Variants in TGM4 observed in about 807,000 individuals in gnomAD.
TGM4 encodes the protein protein-glutamine gamma-glutamyltransferase 4.
In TGM4, 61 loss-of-function variants were observed where a neutral mutation model predicts 76.3. That is an observed-to-expected ratio of 0.80 (90% CI 0.65 to 0.99). The LOEUF is 0.99. Among genes scored for constraint, TGM4 ranks in the 50% least tolerant of loss-of-function variants. TGM4 has a pLI of 0.00. For missense variants in TGM4, 794 were observed against 843.2 expected, an observed-to-expected ratio of 0.94 and a Z score of 0.72; for synonymous variants, 337 against 329.8, an observed-to-expected ratio of 1.02 and a Z score of -0.24.
chr3:44,908,698 A>G (rs1233362847), intron 10 of TGM4, among the ~76,000 whole-genome samples: 1 of 152,146 alleles, frequency 6.6e-6, no homozygotes, highest in East Asian at 1.9e-4. Flanking sequence ...CTCTCTCGAT[A>G]TTCTCTATTT....
At position 44,896,823 on chromosome 3, in the gene TGM4, A is replaced by C. The variant is rs1296970038; in HGVS notation, c.657+7A>C. On this transcript the variant is annotated splice_region_variant and intron_variant, in intron 6 of 13. Coordinates refer to ENST00000296125, the MANE Select transcript of TGM4 (RefSeq NM_003241.4). ...CAGGGCCATGTGTGCTATGGTAGGT[A>C]TGGAAAGCCTGGGCTGATGCTGTCT... 1 of 1,612,772 alleles carries C rather than the reference A, an allele frequency of 6.2e-7. No homozygotes were observed.
chr3:44,879,666 C>T (rs146349306), intron 1 of TGM4, among the ~76,000 whole-genome samples: 2,957 of 151,848 alleles, frequency 0.019, 48 homozygotes, highest in Middle Eastern at 0.065. Flanking sequence ...TTAGTAGAGA[C>T]GGGGTTTCAC....
chr3:44,891,512 TACACAC>T (rs9311363), intron 4 of TGM4, among the ~76,000 whole-genome samples: 17 of 148,036 alleles, frequency 1.1e-4, no homozygotes, highest in African/African-American at 1.5e-4. Flanking sequence ...CTCCCTCCTC[TACACAC>T]ACACACACAC....
intron 1 of TGM4, among the ~76,000 whole-genome samples, chr3:44,879,255 C>CTA (rs1177204893): frequency 3.0e-5 from 3 of 99,914 alleles, no homozygotes; most frequent in South Asian, 3.9e-4. Flanking sequence ...CTCTCTCTCT[C>CTA]TCTCTCTCTC....
In TGM4 at chr3:44,914,419, G is replaced by A. The variant is rs1188718333; in HGVS notation, c.*694G>A. On this transcript the variant is annotated 3_prime_UTR_variant, in exon 14 of 14. Coordinates refer to ENST00000296125, the MANE Select transcript of TGM4 (RefSeq NM_003241.4). Reference sequence around the variant, plus strand: ...TTCCCTTATTCTAAAGCTGCCCCTTGGGAGACTCCAGGGAGAAGGCATTGC... The same window carrying A: ...TTCCCTTATTCTAAAGCTGCCCCTTAGGAGACTCCAGGGAGAAGGCATTGC... The A allele has an allele frequency of 6.6e-6, 1 of 152,124 alleles. No individual in the cohort carries two copies. Among genetic ancestry groups the A allele is most frequent in the Non-Finnish European group, 1.5e-5 (1 of 68,064 alleles). 9.4% of individuals were successfully genotyped at this position (152,124 alleles called of 1,614,324 possible).
intron 1 of TGM4, among the ~76,000 whole-genome samples, chr3:44,878,455 A>ATTT (rs869273530): frequency 4.5e-4 from 14 of 31,330 alleles, no homozygotes; most frequent in African/African-American, 1.7e-3. Flanking sequence ...TTGTTTTATT[A>ATTT]TTATTATTAT....
intron 4 of TGM4, among the ~76,000 whole-genome samples, chr3:44,892,687 C>CA (rs1699721380): frequency 6.6e-6 from 1 of 152,160 alleles, no homozygotes; most frequent in African/African-American, 2.4e-5. Flanking sequence ...TTGATTTTAT[C>CA]ATGTACTTTA....
intron 9 of TGM4, among the ~76,000 whole-genome samples, chr3:44,904,821 A>G (rs1253192767): frequency 6.6e-6 from 1 of 151,564 alleles, no homozygotes; most frequent in East Asian, 1.9e-4. Context: ...AGCTGGGACT[A>G]CAGGTGCACA....
intron 3 of TGM4, 86 bp downstream of exon 3, chr3:44,887,881 C>A: frequency 2.5e-6 from 3 of 1,187,542 alleles, no homozygotes; most frequent in Non-Finnish European, 3.7e-6. Flanking sequence ...CCTTCCTCAC[C>A]TGTCAGCTGG....
chr3:44,914,231 A>G lies in TGM4; in HGVS notation c.*506A>G, dbSNP rs1700051585. On this transcript the variant is annotated 3_prime_UTR_variant, in exon 14 of 14. Transcript: ENST00000296125. The stretch of plus-strand genomic sequence containing the variant: ...CTATTGCCTCCATTCTCCTCTCTCT[A>G]TCCCTGAAATCCAGGAAGTCCCTCT... 6.5e-6 allele frequency: 1 copy of G among 153,666 alleles called. No homozygotes were observed. The highest frequency in any genetic ancestry group is 6.4e-5 in the Admixed American group (1 of 15,560). The allele number at this position is 153,666 out of a possible 1,614,324, so 9.5% of individuals were successfully genotyped here.
intron 13 of TGM4, among the ~76,000 whole-genome samples, chr3:44,912,471 A>C (rs1268171220): frequency 3.3e-5 from 5 of 152,172 alleles, no homozygotes; most frequent in African/African-American, 1.2e-4. Flanking sequence ...GTCTTCTTCT[A>C]ATATAACATC....
chr3:44,895,831 C>T (rs370312840), intron 5 of TGM4, among the ~76,000 whole-genome samples: 1 of 152,006 alleles, frequency 6.6e-6, no homozygotes, highest in Admixed American at 6.5e-5. Context: ...ATTGAATCAT[C>T]CAGTTTAGAT....
chr3:44,912,519 T>C (rs1325882335), intron 13 of TGM4, among the ~76,000 whole-genome samples: 1 of 152,216 alleles, frequency 6.6e-6, no homozygotes, highest in East Asian at 1.9e-4. Flanking sequence ...AATAATTTTA[T>C]ATGATTATCA....
intron 1 of TGM4, among the ~76,000 whole-genome samples, chr3:44,877,539 C>T (rs974064736): frequency 2.6e-5 from 4 of 151,786 alleles, no homozygotes; most frequent in African/African-American, 7.3e-5. Context: ...CTGCAGTGAG[C>T]CATGATTGCA....
intron 1 of TGM4, among the ~76,000 whole-genome samples, chr3:44,885,022 T>C (rs1050002619): frequency 6.6e-6 from 1 of 152,304 alleles, no homozygotes; most frequent in African/African-American, 2.4e-5. Flanking sequence ...AAACTCAGTT[T>C]CCTCACCTGT....
chr3:44,880,818 G>A (rs914495051), intron 1 of TGM4, among the ~76,000 whole-genome samples: 1 of 152,154 alleles, frequency 6.6e-6, no homozygotes, highest in Non-Finnish European at 1.5e-5. Flanking sequence ...TTGTTTGCAA[G>A]AGGGACAAAA....
rs182325252 is a variant in TGM4, at chr3:44,901,823, G to C, written c.863G>C (p.Ser288Thr). 1 of 1,613,990 alleles carries C rather than the reference G, an allele frequency of 6.2e-7. No individual in the cohort carries two copies. The highest frequency in any genetic ancestry group is 1.3e-5 in the African/African-American group (1 of 74,902). The change falls in exon 8 of 14, where the codon AGT becomes ACT. Residue 288 changes from serine (S) to threonine (T), a missense_variant. Coordinates refer to ENST00000296125, the MANE Select transcript of TGM4 (RefSeq NM_003241.4). ...VLRALGIPAR[S>T]VTGFDSAHDT... ...AGAGCGTTGGGCATCCCAGCACGCA[G>C]TGTGACAGGCTTCGATTCAGCTCAC...
intron 4 of TGM4, among the ~76,000 whole-genome samples, chr3:44,893,302 TG>T (rs1699728832): frequency 6.6e-6 from 1 of 152,232 alleles, no homozygotes; most frequent in Admixed American, 6.5e-5. Flanking sequence ...TATGGACTCA[TG>T]GACTCTCTCT....
intron 4 of TGM4, among the ~76,000 whole-genome samples, chr3:44,892,285 T>TAA (rs1195322546): frequency 3.3e-5 from 5 of 150,088 alleles, no homozygotes; most frequent in Non-Finnish European, 5.9e-5. Context: ...TAAATAAAAA[T>TAA]AAATAATTAA....
Sources: gnomAD v4.1 joint callset for allele counts (sites outside exome capture counted in the v4.1 genomes callset) on GRCh38, gnomAD v4.1.1 for gene constraint, MANE v1.5 for transcripts, NCBI Gene and HGNC (gene_info 2026-07-23, HGNC 2026-07-21) for gene names.